The following CACNA2D3 variants were observed in gnomAD, a reference collection of about 807,000 sequenced individuals.
The protein encoded by CACNA2D3 is voltage-dependent calcium channel subunit alpha-2/delta-3.
CACNA2D3 carries 60 observed loss-of-function variants against 160.6 expected under a neutral mutation model. The observed-to-expected ratio is 0.37, with a 90% CI of 0.30 to 0.46. The LOEUF (loss-of-function observed/expected upper bound fraction) is 0.46, where lower values mean the gene tolerates loss of function less well. Ranked by LOEUF, CACNA2D3 falls within the 20% of genes least tolerant of loss-of-function variation. The pLI is 1.00. For missense variants in CACNA2D3, 1,205 were observed against 1,365.0 expected (o/e 0.88, Z 1.85); for synonymous variants, 558 against 492.9 (o/e 1.13, Z -1.75).
intron 10 of CACNA2D3, among the ~76,000 whole-genome samples, chr3:54,629,449 C>T (rs757653484): frequency 3.8e-4 from 58 of 152,136 alleles, no homozygotes; most frequent in Non-Finnish European, 6.8e-4. Flanking sequence ...CTGTTTAGAT[C>T]TCAGTCCTGA....
intron 2 of CACNA2D3, among the ~76,000 whole-genome samples, chr3:54,186,921 C>A (rs949293689): frequency 6.6e-6 from 1 of 152,180 alleles, no homozygotes; most frequent in Non-Finnish European, 1.5e-5. Flanking sequence ...GTGGCCATGA[C>A]CCTGAGTTGG....
At chr3:54,579,458 A>C (rs1702639431) in intron 8 of CACNA2D3, among the ~76,000 whole-genome samples, 1 of 152,180 alleles carries the variant, frequency 6.6e-6, no homozygotes, top group Non-Finnish European at 1.5e-5. Context: ...AGTATAGATG[A>C]GTTTTCCCTT....
In CACNA2D3 at chr3:54,642,150, G is replaced by A. The variant is rs1171199322; in HGVS notation, c.1076G>A (p.Ser359Asn). 4.3e-6 allele frequency: 7 copies of A among 1,612,462 alleles called. No individual in the cohort carries two copies. The highest frequency in any genetic ancestry group is 5.9e-6 in the Non-Finnish European group (7 of 1,179,108). Reference sequence around the variant, plus strand: ...TAGTTCAACCACACGGGACAAGGAAGTATCTGCAGTCAGGCCATCATGCTC... The same window carrying A: ...TAGTTCAACCACACGGGACAAGGAAATATCTGCAGTCAGGCCATCATGCTC... ...LSDFNHTGQGSICSQAIMLIT... is the reference protein window; with the variant it reads ...LSDFNHTGQGNICSQAIMLIT... The change falls in exon 11 of 38, where the codon AGT becomes AAT. Residue 359 changes from serine (S) to asparagine (N), a missense_variant. Ser to Asn is a conservative substitution (Grantham distance 46). Around this residue, in one of 3 missense-constraint regions of CACNA2D3, gnomAD observed 911 missense variants for 1,002.2 expected, o/e 0.91. Coordinates refer to ENST00000474759, the MANE Select transcript of CACNA2D3 (RefSeq NM_018398.3).
At chr3:54,968,935 G>C (rs1428634389) in intron 28 of CACNA2D3, among the ~76,000 whole-genome samples, 1 of 151,958 alleles carries the variant, frequency 6.6e-6, no homozygotes, top group African/African-American at 2.4e-5. Flanking sequence ...TTGTTCACAG[G>C]GTCTACCTTG....
intron 5 of CACNA2D3, among the ~76,000 whole-genome samples, chr3:54,539,562 T>C (rs1701939201): frequency 6.6e-6 from 1 of 152,238 alleles, no homozygotes; most frequent in Non-Finnish European, 1.5e-5. Flanking sequence ...TCCGCTACTT[T>C]TGCTTTCCTG....
chr3:54,290,287 A>C (rs192269293), intron 2 of CACNA2D3, among the ~76,000 whole-genome samples: 2 of 152,372 alleles, frequency 1.3e-5, no homozygotes, highest in African/African-American at 4.8e-5. Flanking sequence ...ACATTTATGC[A>C]GCCAAAAAGC....
In CACNA2D3 at chr3:54,283,676, C is replaced by G. The variant is rs1702936207; in HGVS notation, c.205-36766C>G. On this transcript the variant is annotated intron_variant, in intron 2 of 37. Transcript: ENST00000474759. ...TAATTGCACAAGTTGGGATACATCA[C>G]TGGTGAATCACATTCCCTTTGTCCG... is the stretch of plus-strand genomic sequence containing the variant. Among the ~76,000 whole-genome samples, 8 of 152,306 alleles carry G rather than the reference C, an allele frequency of 5.3e-5. No homozygotes were observed. In the South Asian group the frequency reaches 1.7e-3, roughly 32 times the overall value.
At chr3:54,623,187 G>A (rs1376312456) in intron 9 of CACNA2D3, among the ~76,000 whole-genome samples, 1 of 119,006 alleles carries the variant, frequency 8.4e-6, no homozygotes, top group African/African-American at 2.6e-5. Context: ...AGGGGCTCAA[G>A]CCTTGTTGTC....
At chr3:54,577,013 G>T (rs545965504) in intron 8 of CACNA2D3, among the ~76,000 whole-genome samples, 1 of 152,138 alleles carries the variant, frequency 6.6e-6, no homozygotes, top group East Asian at 1.9e-4. Flanking sequence ...CTCCAGCCTG[G>T]GTGATACGTG....
chr3:54,488,721 A>G (rs1460917926), intron 4 of CACNA2D3, among the ~76,000 whole-genome samples: 3 of 152,128 alleles, frequency 2.0e-5, no homozygotes, highest in Non-Finnish European at 4.4e-5. Context: ...ATTGTATTAG[A>G]TACCGAGATT....
At chr3:54,310,488 C>G (rs2107498830) in intron 2 of CACNA2D3, among the ~76,000 whole-genome samples, 1 of 152,260 alleles carries the variant, frequency 6.6e-6, no homozygotes, top group South Asian at 2.1e-4. Context: ...TGTCTTCCCT[C>G]TGCCCCCCCA....
intron 35 of CACNA2D3, among the ~76,000 whole-genome samples, chr3:55,049,417 G>A (rs1183914448): frequency 1.5e-5 from 2 of 134,564 alleles, no homozygotes; most frequent in Non-Finnish European, 3.1e-5. Flanking sequence ...GCGGTTTTGA[G>A]TGAGATTCTT....
At chr3:54,578,107 G>A (rs1702616517) in intron 8 of CACNA2D3, among the ~76,000 whole-genome samples, 1 of 152,202 alleles carries the variant, frequency 6.6e-6, no homozygotes, top group African/African-American at 2.4e-5. Context: ...TTTGCAAGAA[G>A]GACTAACCAC....
intron 9 of CACNA2D3, among the ~76,000 whole-genome samples, chr3:54,584,311 A>G (rs1702725174): frequency 6.6e-6 from 1 of 152,252 alleles, no homozygotes; most frequent in Non-Finnish European, 1.5e-5. Flanking sequence ...CAAATGAAAC[A>G]GTAGAAAATC....
intron 34 of CACNA2D3, among the ~76,000 whole-genome samples, chr3:55,010,279 G>A (rs973602027): frequency 2.0e-5 from 3 of 151,992 alleles, no homozygotes; most frequent in Non-Finnish European, 2.9e-5. Context: ...ACTACCTATC[G>A]GGTACTACGT....
At chr3:55,000,589 TAAAAG>T (rs1239799159) in intron 31 of CACNA2D3, among the ~76,000 whole-genome samples, 2 of 152,122 alleles carry the variant, frequency 1.3e-5, no homozygotes, top group African/African-American at 4.8e-5. Flanking sequence ...AATAAATAAA[TAAAAG>T]GAACCTTGGC....
intron 27 of CACNA2D3, among the ~76,000 whole-genome samples, chr3:54,920,311 G>T (rs1260312656): frequency 6.6e-6 from 1 of 152,164 alleles, no homozygotes. Flanking sequence ...ATCTTGCAGT[G>T]CAAGGATTAT....
intron 29 of CACNA2D3, among the ~76,000 whole-genome samples, chr3:54,972,570 T>C (rs935869433): frequency 1.3e-5 from 2 of 152,196 alleles, no homozygotes; most frequent in Non-Finnish European, 1.5e-5. Flanking sequence ...ACTTCTCCAT[T>C]GCACTTATGA....
At chr3:54,404,202 T>G (rs1699528830) in intron 4 of CACNA2D3, among the ~76,000 whole-genome samples, 1 of 152,158 alleles carries the variant, frequency 6.6e-6, no homozygotes, top group Admixed American at 6.5e-5. Flanking sequence ...ACACGTCAGG[T>G]CAGTATCAAT....
Sources: allele counts gnomAD v4.1 joint callset (sites outside exome capture counted in the v4.1 genomes callset), GRCh38; gene constraint gnomAD v4.1.1; regional missense constraint gnomAD v4.1.1; transcripts MANE v1.5; gene names NCBI Gene and HGNC (gene_info 2026-07-23, HGNC 2026-07-21).